The following NFILZ variants were observed in gnomAD, a reference collection of about 807,000 sequenced individuals.
NFILZ encodes the protein NFIL3 like basic leucine zipper.
At chr19:8,653,003 C>CTTTCTTTCTTTCTTT (rs1600145535) in intron 3 of NFILZ, among the ~76,000 whole-genome samples, 8 of 41,498 alleles carry the variant, frequency 1.9e-4, no homozygotes, top group Non-Finnish European at 3.2e-4. Context: ...TTCCTTCCTT[C>CTTTCTTTCTTTCTTT]CTTCCTTCCT....
rs2043126514 is a variant in NFILZ at position 8,678,171 on chromosome 19, A to ACTTG, written c.*536_*537insCTTG. On this transcript the variant is annotated 3_prime_UTR_variant, in exon 6 of 6. Transcript: ENST00000691075. Reference sequence around the variant, plus strand: ...TGTCCGTCCATCCATCCATCCATCCATCCATCCATCCATCCATCCGTCCAT... The same window carrying ACTTG: ...TGTCCGTCCATCCATCCATCCATCCACTTGTCCATCCATCCATCCATCCGTCCAT... Among the ~76,000 whole-genome samples, 5 of 32,234 alleles carry ACTTG rather than the reference A, an allele frequency of 1.6e-4. No homozygotes were observed. Among genetic ancestry groups the ACTTG allele is most frequent in the Admixed American group, 3.5e-4 (1 of 2,850 alleles). 21.1% of individuals were successfully genotyped at this position (32,234 alleles called of 152,430 possible). A position where few individuals can be genotyped will look rare whatever the true frequency, so the allele number is the denominator to read the frequency against.
chr19:8,656,317 C>T (rs868944769), intron 3 of NFILZ, among the ~76,000 whole-genome samples: 3,707 of 70,438 alleles, frequency 0.053, 483 homozygotes, highest in South Asian at 0.14. Context: ...AGCGCACCTC[C>T]TCCCTGAAGC....
chr19:8,681,039 G>A lies in NFILZ; in HGVS notation c.*3404G>A, dbSNP rs2043144190. ...GTGAGGACTTTGGCTTCCTTTCTGA[G>A]TGATATGGGCATGAGGGGGACGTTT... On this transcript the variant is annotated 3_prime_UTR_variant, in exon 6 of 6. Coordinates refer to ENST00000691075, the MANE Select transcript of NFILZ (RefSeq NM_001378600.1). 6.6e-6 allele frequency among the ~76,000 whole-genome samples: 1 copy of A among 152,004 alleles called. No individual in the cohort carries two copies. The highest frequency in any genetic ancestry group is 2.4e-5 in the African/African-American group (1 of 41,370).
rs111211974 is a variant in NFILZ, at chr19:8,678,103, A to T, written c.*468A>T. 3.7e-4 allele frequency among the ~76,000 whole-genome samples: 33 copies of T among 88,308 alleles called. 1 individual carries two copies. The highest frequency in any genetic ancestry group is 6.4e-4 in the Admixed American group (5 of 7,774). The allele number at this position is 88,308 out of a possible 152,430, so 57.9% of individuals were successfully genotyped here. Reference sequence around the variant, plus strand: ...ATCCATCCATCCATTCCATCCATCCATCCATCCATCCATCCATCCATCCCT... The same window carrying T: ...ATCCATCCATCCATTCCATCCATCCTTCCATCCATCCATCCATCCATCCCT... On this transcript the variant is annotated 3_prime_UTR_variant, in exon 6 of 6. Transcript: ENST00000691075.
chr19:8,633,095 A>G (rs1234249610), intron 2 of NFILZ, among the ~76,000 whole-genome samples: 2 of 135,508 alleles, frequency 1.5e-5, no homozygotes, highest in Admixed American at 1.7e-4. Context: ...ATCTTGGCTT[A>G]CTGCACCCTC....
rs2043141022 is a variant in NFILZ, at chr19:8,680,387, A to C, written c.*2752A>C. Among the ~76,000 whole-genome samples the C allele has an allele frequency of 6.8e-6, 1 of 148,038 alleles. No individual in the cohort carries two copies. The highest frequency in any genetic ancestry group is 2.3e-4 in the East Asian group (1 of 4,432). On this transcript the variant is annotated 3_prime_UTR_variant, in exon 6 of 6. Transcript: ENST00000691075. ...TTGATCATAAGTTTCTCATTGTTTC[A>C]TTTTATTCAAGGCATGTTTTGTTGT...
intron 3 of NFILZ, among the ~76,000 whole-genome samples, chr19:8,653,034 T>TC (rs1555747917): frequency 7.0e-5 from 4 of 57,508 alleles, no homozygotes; most frequent in Non-Finnish European, 1.1e-4. Context: ...CTTTCTTTCT[T>TC]TCTTTCTCTC....
intron 3 of NFILZ, among the ~76,000 whole-genome samples, chr19:8,663,722 TTGTG>T (rs879983007): frequency 8.4e-3 from 91 of 10,790 alleles, no homozygotes; most frequent in African/African-American, 0.026. Flanking sequence ...GTGTGTGTGT[TTGTG>T]TGTGTGTGTG....
intron 3 of NFILZ, among the ~76,000 whole-genome samples, chr19:8,652,528 C>T (rs2042968829): frequency 6.6e-6 from 1 of 152,294 alleles, no homozygotes; most frequent in East Asian, 1.9e-4. Context: ...TTTAAAATGG[C>T]AACTTACGCT....
Position 8,653,043 on chromosome 19 carries a change from TC to T in NFILZ, c.-164+17298del, listed in dbSNP as rs2042975766. On this transcript the variant is annotated intron_variant, in intron 3 of 5. Transcript: ENST00000691075. ...TTCTTTCTTTCTTTCTTTCTTTCTCTCTCTCTCTCTCTCTCTCTCTCTCTCT... is the reference window on the plus strand; with the variant it reads ...TTCTTTCTTTCTTTCTTTCTTTCTCTTCTCTCTCTCTCTCTCTCTCTCTCT... Among the ~76,000 whole-genome samples the T allele has an allele frequency of 8.4e-3, 577 of 68,748 alleles. 3 individuals are homozygous for T. The highest frequency in any genetic ancestry group is 0.016 in the East Asian group (42 of 2,554). 45.1% of individuals were successfully genotyped at this position (68,748 alleles called of 152,430 possible).
At chr19:8,664,057 G>A (rs1386968783) in intron 3 of NFILZ, among the ~76,000 whole-genome samples, 1 of 152,118 alleles carries the variant, frequency 6.6e-6, no homozygotes, top group Non-Finnish European at 1.5e-5. Context: ...ATTTTGCTGG[G>A]AGTGAGTTTA....
intron 3 of NFILZ, among the ~76,000 whole-genome samples, chr19:8,667,834 C>T (rs116542882): frequency 0.013 from 1,985 of 152,308 alleles, 43 homozygotes; most frequent in African/African-American, 0.045. Context: ...GCGTGAGCCA[C>T]AGTGCCCTGC....
At chr19:8,633,940 TTCCTTCCC>T (rs1279646403) in intron 2 of NFILZ, among the ~76,000 whole-genome samples, 4 of 132,300 alleles carry the variant, frequency 3.0e-5, no homozygotes, top group Middle Eastern at 3.4e-3. Context: ...CCTTCCTTCC[TTCCTTCCC>T]TCCCTTCTTT....
At chr19:8,638,801 G>A (rs1308262607) in intron 3 of NFILZ, among the ~76,000 whole-genome samples, 1 of 151,800 alleles carries the variant, frequency 6.6e-6, no homozygotes, top group Non-Finnish European at 1.5e-5. Context: ...CTGGCAGAGG[G>A]CAAAGCAAGT....
rs2042998891 is a variant in NFILZ at position 8,656,394 on chromosome 19, C to CCCACCTCCTCCCTGA, written c.-163-18157_-163-18156insCCACCTCCTCCCTGA. On this transcript the variant is annotated intron_variant, in intron 3 of 5. Transcript: ENST00000691075. The stretch of plus-strand genomic sequence containing the variant: ...TCTCCCTGAAGCCCACCTTCTCCCG[C>CCCACCTCCTCCCTGA]AGCCCACCTTCTCTCTGAAACCCAC... 1.8e-4 allele frequency among the ~76,000 whole-genome samples: 12 copies of CCCACCTCCTCCCTGA among 66,376 alleles called. 2 individuals carry two copies. In the East Asian group the frequency reaches 3.8e-3, roughly 21 times the overall value. 43.5% of individuals were successfully genotyped at this position (66,376 alleles called of 152,430 possible).
chr19:8,670,871 T>C (rs2043083369), intron 3 of NFILZ, among the ~76,000 whole-genome samples: 1 of 151,932 alleles, frequency 6.6e-6, no homozygotes, highest in Non-Finnish European at 1.5e-5. Flanking sequence ...GGCAAGCATC[T>C]GTAATCCCAG....
intron 3 of NFILZ, among the ~76,000 whole-genome samples, chr19:8,672,161 A>G (rs1345195202): frequency 6.6e-6 from 1 of 152,176 alleles, no homozygotes; most frequent in Admixed American, 6.6e-5. Flanking sequence ...CAAAAAATCC[A>G]TGCATTTATT....
intron 3 of NFILZ, among the ~76,000 whole-genome samples, chr19:8,650,072 G>A (rs1169616590): frequency 6.6e-6 from 1 of 151,046 alleles, no homozygotes; most frequent in Non-Finnish European, 1.5e-5. Flanking sequence ...CTGAGATCAT[G>A]CCACTGCACT....
chr19:8,671,347 TC>T (rs1555750265), intron 3 of NFILZ, among the ~76,000 whole-genome samples: 2 of 151,926 alleles, frequency 1.3e-5, no homozygotes, highest in African/African-American at 4.8e-5. Flanking sequence ...TTAAATAAAC[TC>T]GGGCAGCAGA....
Sources: allele counts gnomAD v4.1 joint callset (sites outside exome capture counted in the v4.1 genomes callset), GRCh38; gene constraint gnomAD v4.1.1; transcripts MANE v1.5; gene names NCBI Gene and HGNC (gene_info 2026-07-23, HGNC 2026-07-21).